The following ERBB4 variants were observed in gnomAD, a reference collection of about 807,000 sequenced individuals.
The protein encoded by ERBB4 is erb-b2 receptor tyrosine kinase 4.
In ERBB4, 42 loss-of-function variants were observed where a neutral mutation model predicts 158.0. The ratio of observed to expected loss-of-function variants is 0.27; its 90% CI spans 0.21 to 0.34. ERBB4 has a LOEUF of 0.34. Ranked by LOEUF, ERBB4 falls within the 10% of genes least tolerant of loss-of-function variation. The pLI is 1.00. For missense variants in ERBB4, 1,333 were observed against 1,624.1 expected (o/e 0.82, Z 3.08); for synonymous variants, 583 against 558.7 (o/e 1.04, Z -0.61).
chr2:211,492,233 TAAG>T (rs565147276), intron 20 of ERBB4, among the ~76,000 whole-genome samples: 33 of 152,190 alleles, frequency 2.2e-4, no homozygotes, highest in African/African-American at 5.8e-4. Flanking sequence ...ACTTTCAAGG[TAAG>T]AAGAAGTCTT....
intron 2 of ERBB4, among the ~76,000 whole-genome samples, chr2:212,060,592 G>GT (rs1387423596): frequency 2.2e-5 from 3 of 137,376 alleles, no homozygotes; most frequent in African/African-American, 7.4e-5. Flanking sequence ...TGGATTAAGA[G>GT]TATGTGGCAC....
chr2:212,133,396 G>GTTTTT (rs575131971), intron 1 of ERBB4, among the ~76,000 whole-genome samples: 1 of 137,138 alleles, frequency 7.3e-6, no homozygotes, highest in African/African-American at 3.0e-5. Context: ...TCATTTTGGT[G>GTTTTT]TTTTTTTTTT....
intron 20 of ERBB4, among the ~76,000 whole-genome samples, chr2:211,509,890 G>A (rs550062296): frequency 6.6e-6 from 1 of 152,162 alleles, no homozygotes; most frequent in South Asian, 2.1e-4. Flanking sequence ...AAACCGCAGT[G>A]AAATATCATC....
chr2:211,415,073 A>C (rs945589835), intron 25 of ERBB4, among the ~76,000 whole-genome samples: 2 of 149,680 alleles, frequency 1.3e-5, no homozygotes, highest in Admixed American at 6.6e-5. Flanking sequence ...ATTTATTGAA[A>C]TACTAAGGCA....
chr2:211,630,506 T>C lies in ERBB4; in HGVS notation c.2035A>G (p.Ser679Gly). Residue 679 changes from serine (S) to glycine (G), a missense_variant, in exon 17 of 28, where the codon AGC becomes GGC. Transcript: ENST00000342788. ...LTFAVYVRRK[S>G]IKKKRALRRF... ...CTCAAGGCTCTTTTCTTTTTGATGCTCTTCCTTCTAACATAAACAGCAAAT... is the reference window on the plus strand; with the variant it reads ...CTCAAGGCTCTTTTCTTTTTGATGCCCTTCCTTCTAACATAAACAGCAAAT... The C allele has an allele frequency of 1.2e-6, 2 of 1,613,418 alleles. No individual in the cohort carries two copies. Among genetic ancestry groups the C allele is most frequent in the Non-Finnish European group, 1.7e-6 (2 of 1,179,480 alleles).
intron 4 of ERBB4, chr2:211,777,534 A>C (rs1043586748): frequency 6.6e-6 from 1 of 152,332 alleles, no homozygotes; most frequent in African/African-American, 2.4e-5. Context: ...AGAAATTAGC[A>C]TGGTTGACAC....
intron 2 of ERBB4, among the ~76,000 whole-genome samples, chr2:212,027,207 G>A (rs2076793599): frequency 6.6e-6 from 1 of 151,944 alleles, no homozygotes; most frequent in Admixed American, 6.6e-5. Context: ...TAGCATTGGA[G>A]ATAGATGTAC....
At chr2:211,583,438 A>G (rs2068162899) in intron 19 of ERBB4, among the ~76,000 whole-genome samples, 1 of 151,922 alleles carries the variant, frequency 6.6e-6, no homozygotes, top group African/African-American at 2.4e-5. Context: ...TAAAATGATT[A>G]ATAGTTATTA....
intron 1 of ERBB4, among the ~76,000 whole-genome samples, chr2:212,525,696 A>G (rs1268710568): frequency 6.6e-6 from 1 of 152,028 alleles, no homozygotes; most frequent in African/African-American, 2.4e-5. Flanking sequence ...AAATTTCACT[A>G]AAGTTTACTC....
intron 19 of ERBB4, among the ~76,000 whole-genome samples, chr2:211,601,217 C>T (rs939620932): frequency 7.9e-5 from 12 of 151,218 alleles, no homozygotes; most frequent in East Asian, 3.9e-4. Context: ...ACAATAACTG[C>T]GAAGGAAAAG....
rs148755740 is a variant in ERBB4 at position 211,972,275 on chromosome 2, C to T, written c.235-24659G>A. On this transcript the variant is annotated intron_variant, in intron 2 of 27. Coordinates refer to ENST00000342788, the MANE Select transcript of ERBB4 (RefSeq NM_005235.3). The stretch of plus-strand genomic sequence containing the variant: ...GAGATGACACAAACAAATAGAAAAA[C>T]ATTCCATGCTCATGGATAGGAAGAA... Among the ~76,000 whole-genome samples, 116 of 152,288 alleles carry T rather than the reference C, an allele frequency of 7.6e-4. 1 individual carries two copies. The highest frequency in any genetic ancestry group is 1.2e-3 in the Non-Finnish European group (82 of 68,014).
At chr2:211,736,425 G>C (rs1378353977) in intron 5 of ERBB4, among the ~76,000 whole-genome samples, 1 of 151,956 alleles carries the variant, frequency 6.6e-6, no homozygotes, top group African/African-American at 2.4e-5. Flanking sequence ...TGTATTGTTG[G>C]GCAGGGTGTA....
chr2:211,980,156 G>T (rs575973143), intron 2 of ERBB4, among the ~76,000 whole-genome samples: 1 of 151,986 alleles, frequency 6.6e-6, no homozygotes, highest in Non-Finnish European at 1.5e-5. Flanking sequence ...ATAGAATTGA[G>T]GCTTAGTTTT....
chr2:211,932,357 C>T (rs183287645), intron 3 of ERBB4, among the ~76,000 whole-genome samples: 17 of 151,994 alleles, frequency 1.1e-4, no homozygotes, highest in African/African-American at 4.1e-4. Context: ...GATTGTTTTA[C>T]ATTTTTTCAT....
chr2:212,272,430 C>T (rs775904010), intron 1 of ERBB4, among the ~76,000 whole-genome samples: 1 of 151,646 alleles, frequency 6.6e-6, no homozygotes, highest in Non-Finnish European at 1.5e-5. Flanking sequence ...AGGTCATGGC[C>T]GTTGAATTGT....
intron 3 of ERBB4, among the ~76,000 whole-genome samples, chr2:211,892,998 C>T (rs532465489): frequency 4.7e-5 from 7 of 147,760 alleles, no homozygotes; most frequent in South Asian, 2.1e-4. Context: ...AGGTAATTTA[C>T]AGATTCAATG....
intron 20 of ERBB4, among the ~76,000 whole-genome samples, chr2:211,467,596 T>C (rs894865126): frequency 6.6e-6 from 1 of 152,166 alleles, no homozygotes; most frequent in Non-Finnish European, 1.5e-5. Flanking sequence ...AAAGAAAGCA[T>C]TCTAATCTGG....
At chr2:212,316,110 C>T (rs2087265018) in intron 1 of ERBB4, among the ~76,000 whole-genome samples, 3 of 151,352 alleles carry the variant, frequency 2.0e-5, no homozygotes, top group African/African-American at 7.3e-5. Context: ...AACAATTATC[C>T]CTGAGAAAAC....
intron 3 of ERBB4, among the ~76,000 whole-genome samples, chr2:211,859,098 A>C (rs966047633): frequency 2.0e-5 from 3 of 152,176 alleles, no homozygotes; most frequent in Non-Finnish European, 2.9e-5. Flanking sequence ...GTATCTTTTA[A>C]TGTAACTTGA....
Sources: gnomAD v4.1 joint callset for allele counts (sites outside exome capture counted in the v4.1 genomes callset) on GRCh38, gnomAD v4.1.1 for gene constraint, MANE v1.5 for transcripts, NCBI Gene and HGNC (gene_info 2026-07-23, HGNC 2026-07-21) for gene names.